YAP1: variants seen among roughly 807,000 people sequenced by gnomAD.
YAP1 encodes the protein Yes1 associated transcriptional regulator, also known as transcriptional coactivator YAP1.
Under a neutral mutation model 56.9 loss-of-function variants are expected in YAP1, and 5 were observed. The observed-to-expected ratio is 0.09, with a 90% CI of 0.05 to 0.18. The LOEUF (loss-of-function observed/expected upper bound fraction) is 0.18, where lower values mean the gene tolerates loss of function less well. Ranked by LOEUF, YAP1 falls within the 10% of genes least tolerant of loss-of-function variation. The probability of loss-of-function intolerance (pLI) is 1.00; values close to 1 mark genes in which losing one functional copy is unlikely to be tolerated. For synonymous variants in YAP1, 265 were observed against 248.1 expected, an observed-to-expected ratio of 1.07 and a Z score of -0.64; for missense variants, 539 against 651.8, an observed-to-expected ratio of 0.83 and a Z score of 1.88.
rs1252710556 is a variant in YAP1, at chr11:102,172,673, T to C, written c.688+10102T>C. Among the ~76,000 whole-genome samples the C allele has an allele frequency of 2.6e-5, 4 of 152,138 alleles. No individual in the cohort carries two copies. The South Asian group carries it at 6.2e-4, about 24-fold the overall frequency. ...ATGTGCCAGGCATGGTTCTAAGTTA[T>C]GAGAACGGATATACAATGAGTCAGA... On this transcript the variant is annotated intron_variant, in intron 3 of 8. Coordinates refer to ENST00000282441, the MANE Select transcript of YAP1 (RefSeq NM_001130145.3).
rs115001352 is a variant in YAP1 at position 102,178,722 on chromosome 11, A to G, written c.689-7296A>G. Among the ~76,000 whole-genome samples, 1,197 of 152,328 alleles carry G rather than the reference A, an allele frequency of 7.9e-3. 18 individuals are homozygous for G. Among genetic ancestry groups the G allele is most frequent in the African/African-American group, 0.028 (1,151 of 41,582 alleles). Reference sequence around the variant, plus strand: ...TACTACTCTCTTTTTGCTTATCCTGAATCAAATTTCTCACCCTCTGTCAAT... The same window carrying G: ...TACTACTCTCTTTTTGCTTATCCTGGATCAAATTTCTCACCCTCTGTCAAT... On this transcript the variant is annotated intron_variant, in intron 3 of 8. Coordinates refer to ENST00000282441, the MANE Select transcript of YAP1 (RefSeq NM_001130145.3).
At chr11:102,121,046 T>G (rs1832917814) in intron 2 of YAP1, among the ~76,000 whole-genome samples, 1 of 152,202 alleles carries the variant, frequency 6.6e-6, no homozygotes, top group African/African-American at 2.4e-5. Context: ...TATTCCTTCA[T>G]GTGCGGTAGT....
intron 2 of YAP1, among the ~76,000 whole-genome samples, chr11:102,144,514 T>G (rs1945205970): frequency 2.0e-5 from 3 of 152,224 alleles, no homozygotes; most frequent in Admixed American, 6.5e-5. Flanking sequence ...CTTTCAGGAA[T>G]TCAGCCTAGT....
Position 102,114,320 on chromosome 11 carries a change from G to C in YAP1, c.498G>C (p.Glu166Asp), listed in dbSNP as rs965307672. The C allele has an allele frequency of 6.2e-7, 1 of 1,614,034 alleles. No individual in the cohort carries two copies. The highest frequency in any genetic ancestry group is 1.3e-5 in the African/African-American group (1 of 74,914). Reference sequence around the variant, plus strand: ...AGCATCTTCGACAGTCTTCTTTTGAGATACCTGATGATGTACCTCTGCCAG... The same window carrying C: ...AGCATCTTCGACAGTCTTCTTTTGACATACCTGATGATGTACCTCTGCCAG... ...TAQHLRQSSF[E>D]IPDDVPLPAG... The change falls in exon 2 of 9, where the codon GAG (glutamate) becomes GAC (aspartate). Residue 166 changes from glutamate (E) to aspartate (D), a missense_variant. Physicochemically the swap from Glu to Asp is conservative, Grantham distance 45. Coordinates refer to ENST00000282441, the MANE Select transcript of YAP1 (RefSeq NM_001130145.3).
intron 2 of YAP1, among the ~76,000 whole-genome samples, chr11:102,139,400 A>G (rs924947560): frequency 6.6e-6 from 1 of 152,182 alleles, no homozygotes; most frequent in Non-Finnish European, 1.5e-5. Context: ...TTGCAGGCCA[A>G]CAGTCATTCA....
At chr11:102,182,391 C>T (rs17097471) in intron 3 of YAP1, among the ~76,000 whole-genome samples, 5,997 of 152,264 alleles carry the variant, frequency 0.039, 123 homozygotes, top group Middle Eastern at 0.058. Context: ...TTGGACTTAA[C>T]CTTCCTGCAT....
chr11:102,182,292 T>TG lies in YAP1; in HGVS notation c.689-3725dup, dbSNP rs576668737. 4.5e-4 allele frequency among the ~76,000 whole-genome samples: 69 copies of TG among 152,316 alleles called. No homozygotes were observed. The East Asian group carries it at 0.013, about 28-fold the overall frequency. On this transcript the variant is annotated intron_variant, in intron 3 of 8. Coordinates refer to ENST00000282441, the MANE Select transcript of YAP1 (RefSeq NM_001130145.3). ...AGCACATTATAATCAGAATATAAAT[T>TG]GAACATAAAGGCATCCTAAATTGAT...
At chr11:102,182,026 TAGTC>T (rs1487108788) in intron 3 of YAP1, among the ~76,000 whole-genome samples, 1 of 152,144 alleles carries the variant, frequency 6.6e-6, no homozygotes, top group East Asian at 1.9e-4. Context: ...TTCACCATGT[TAGTC>T]AGGCTGGCCT....
intron 2 of YAP1, among the ~76,000 whole-genome samples, chr11:102,161,513 T>C (rs571542849): frequency 6.6e-6 from 1 of 152,304 alleles, no homozygotes; most frequent in South Asian, 2.1e-4. Context: ...GTCCATCATA[T>C]ATATCCATGT....
chr11:102,113,701 G>GA (rs1215819679), intron 1 of YAP1, among the ~76,000 whole-genome samples: 1 of 151,742 alleles, frequency 6.6e-6, no homozygotes, highest in Non-Finnish European at 1.5e-5. Flanking sequence ...GTTTGACCTA[G>GA]AAAAAAAATT....
intron 2 of YAP1, among the ~76,000 whole-genome samples, chr11:102,150,459 G>A (rs1945574024): frequency 6.6e-6 from 1 of 152,094 alleles, no homozygotes; most frequent in African/African-American, 2.4e-5. Context: ...ATAGCAAATT[G>A]TTGAGATATA....
At chr11:102,114,487 T>G (rs1205186475) in intron 2 of YAP1, 93 bp downstream of exon 2, 1 of 1,399,522 alleles carries the variant, frequency 7.1e-7, no homozygotes, top group Non-Finnish European at 9.6e-7. Flanking sequence ...ATATCATTTA[T>G]TTTTATGTTT....
chr11:102,175,856 C>T (rs772410842), intron 3 of YAP1, among the ~76,000 whole-genome samples: 32 of 152,188 alleles, frequency 2.1e-4, no homozygotes, highest in Non-Finnish European at 4.0e-4. Flanking sequence ...TTATAAGTTT[C>T]TGGGATCACC....
In YAP1 at chr11:102,178,010, G is replaced by A. The variant is rs546106589; in HGVS notation, c.689-8008G>A. 1.1e-4 allele frequency among the ~76,000 whole-genome samples: 17 copies of A among 152,268 alleles called. No individual in the cohort carries two copies. The South Asian group carries it at 1.2e-3, about 11-fold the overall frequency. ...TTGAATCTCACTCTGCCACTTACTA[G>A]GTTGGGCTGAATGATCCTGGACAAG... On this transcript the variant is annotated intron_variant, in intron 3 of 8. Transcript: ENST00000282441.
chr11:102,120,436 G>C (rs1943579894), intron 2 of YAP1, among the ~76,000 whole-genome samples: 1 of 152,200 alleles, frequency 6.6e-6, no homozygotes, highest in Non-Finnish European at 1.5e-5. Context: ...TAATAAAATA[G>C]TGCAAATGGC....
chr11:102,176,760 AAAAAAAAAAAAAAAAAG>A (rs1947280313), intron 3 of YAP1, among the ~76,000 whole-genome samples: 2 of 146,834 alleles, frequency 1.4e-5, no homozygotes, highest in South Asian at 4.3e-4. Flanking sequence ...AAAAAAAAAA[AAAAAAAAAAAAAAAAAG>A]AGTAGAATTT....
chr11:102,142,186 A>C (rs1290512300), intron 2 of YAP1, among the ~76,000 whole-genome samples: 1 of 151,184 alleles, frequency 6.6e-6, no homozygotes, highest in South Asian at 2.1e-4. Flanking sequence ...GAGGAAAATG[A>C]AGAATAAAAG....
intron 1 of YAP1, among the ~76,000 whole-genome samples, chr11:102,112,124 A>C (rs1318985119): frequency 6.6e-6 from 1 of 152,218 alleles, no homozygotes; most frequent in Non-Finnish European, 1.5e-5. Flanking sequence ...CCGAGGTTTT[A>C]ACACAAGCCT....
chr11:102,132,809 A>G (rs1944445506), intron 2 of YAP1, among the ~76,000 whole-genome samples: 1 of 152,252 alleles, frequency 6.6e-6, no homozygotes, highest in Non-Finnish European at 1.5e-5. Flanking sequence ...ATCCCTGCAA[A>G]TTGAATTAAT....
Sources: gnomAD v4.1 joint callset for allele counts (sites outside exome capture counted in the v4.1 genomes callset) on GRCh38, gnomAD v4.1.1 for gene constraint, MANE v1.5 for transcripts, NCBI Gene and HGNC (gene_info 2026-07-23, HGNC 2026-07-21) for gene names.